Variants in DAB1 observed in about 807,000 individuals in gnomAD.
The protein encoded by DAB1 is DAB adaptor protein 1, also known as disabled homolog 1.
A neutral mutation model predicts 64.6 loss-of-function variants in DAB1; 15 were observed. The ratio of observed to expected loss-of-function variants is 0.23; its 90% CI spans 0.16 to 0.36. The LOEUF (loss-of-function observed/expected upper bound fraction) is 0.36. Among genes scored for constraint, DAB1 ranks in the 10% least tolerant of loss-of-function variants. The pLI, the probability that DAB1 is intolerant of heterozygous loss-of-function variation, is 1.00. For missense variants in DAB1, 596 were observed against 706.7 expected (o/e 0.84, Z 1.78); for synonymous variants, 235 against 251.9 (o/e 0.93, Z 0.64).
intron 5 of DAB1, among the ~76,000 whole-genome samples, chr1:58,098,190 C>T (rs1181842153): frequency 6.6e-6 from 1 of 152,184 alleles, no homozygotes; most frequent in Non-Finnish European, 1.5e-5. Context: ...CCTCCCCCAG[C>T]ATTCAGGATC....
chr1:57,647,389 G>T (rs1367475387), intron 7 of DAB1, among the ~76,000 whole-genome samples: 1 of 152,176 alleles, frequency 6.6e-6, no homozygotes, highest in African/African-American at 2.4e-5. Context: ...GTAACTCCTT[G>T]GGACTCCCCC....
rs113279762 is a variant in DAB1, at chr1:57,121,906, TA to T, written c.306+14636del. Among the ~76,000 whole-genome samples, 135 of 147,912 alleles carry T rather than the reference TA, an allele frequency of 9.1e-4. 1 individual carries two copies. In the East Asian group the frequency reaches 0.012, roughly 14 times the overall value. On this transcript the variant is annotated intron_variant, in intron 4 of 14. Transcript: ENST00000371236. ...TGCACATGTATCCAAAACTTAAAGT[TA>T]AAAAAAAAAGTGGTTTTCTGTGGTT...
intron 4 of DAB1, among the ~76,000 whole-genome samples, chr1:58,301,235 G>A (rs1361746373): frequency 1.8e-5 from 1 of 55,148 alleles, no homozygotes; most frequent in Non-Finnish European, 5.3e-5. Context: ...GGGGTGGAGA[G>A]GGGGGGGTCA....
rs143665673 is a variant in DAB1, at chr1:57,794,660, G to A, written n.551+89339C>T. ...TTTTATCATTCTAGTCTCCATGTGT[G>A]TTATTTCTCAAATTCCAGCCCCCTA... On this transcript the variant is annotated intron_variant and non_coding_transcript_variant, in intron 6 of 20. Transcript: ENST00000485760. 7.0e-4 allele frequency among the ~76,000 whole-genome samples: 106 copies of A among 152,296 alleles called. No individual in the cohort carries two copies. The East Asian group carries it at 0.017, about 24-fold the overall frequency.
At chr1:58,158,802 T>A (rs17117039) in intron 4 of DAB1, among the ~76,000 whole-genome samples, 33,253 of 152,020 alleles carry the variant, frequency 0.22, 3,916 homozygotes, top group East Asian at 0.44. Flanking sequence ...GCCAGAAAGA[T>A]GCAGGTCTGG....
intron 6 of DAB1, among the ~76,000 whole-genome samples, chr1:57,762,481 T>C (rs190653111): frequency 2.0e-5 from 3 of 152,242 alleles, no homozygotes; most frequent in African/African-American, 4.8e-5. Flanking sequence ...AGGTTAACAA[T>C]GTTTTCTCCT....
chr1:57,683,057 A>T (rs1433312038), intron 6 of DAB1, among the ~76,000 whole-genome samples: 1 of 152,164 alleles, frequency 6.6e-6, no homozygotes, highest in Middle Eastern at 3.2e-3. Flanking sequence ...CCTGATCCTG[A>T]GCCACAGGCC....
intron 4 of DAB1, among the ~76,000 whole-genome samples, chr1:57,114,480 A>G (rs1655938958): frequency 6.6e-6 from 1 of 152,234 alleles, no homozygotes; most frequent in Non-Finnish European, 1.5e-5. Flanking sequence ...AAAAAAAAGC[A>G]AAGCAGGATA....
At position 57,255,322 on chromosome 1, in the gene DAB1, T is replaced by A. The variant is rs12565921; in HGVS notation, c.67+35642A>T. On this transcript the variant is annotated intron_variant, in intron 2 of 14. Coordinates refer to ENST00000371236, the MANE Select transcript of DAB1 (RefSeq NM_001365792.1). Reference sequence around the variant, plus strand: ...TCTTCTATGAATCCCAAACAATGCATCTCCTCTAGCATGACAACTAATATC... The same window carrying A: ...TCTTCTATGAATCCCAAACAATGCAACTCCTCTAGCATGACAACTAATATC... Among the ~76,000 whole-genome samples, 1,151 of 152,172 alleles carry A rather than the reference T, an allele frequency of 7.6e-3. 29 individuals are homozygous for A. The East Asian group carries it at 0.078, about 10-fold the overall frequency.
chr1:58,186,695 T>C (rs1435907614), intron 4 of DAB1, among the ~76,000 whole-genome samples: 2 of 152,216 alleles, frequency 1.3e-5, no homozygotes, highest in Non-Finnish European at 2.9e-5. Context: ...GAGAGTCATC[T>C]ACATGGTTCT....
intron 7 of DAB1, among the ~76,000 whole-genome samples, chr1:57,617,216 G>T (rs1336467424): frequency 6.6e-6 from 1 of 152,006 alleles, no homozygotes; most frequent in Non-Finnish European, 1.5e-5. Context: ...CTCTGCTGAG[G>T]AGAGCCACCA....
intron 3 of DAB1, among the ~76,000 whole-genome samples, chr1:57,144,326 G>T (rs1485144653): frequency 6.6e-6 from 1 of 151,964 alleles, no homozygotes; most frequent in Non-Finnish European, 1.5e-5. Flanking sequence ...ATGGACATCA[G>T]AATCTGAGAA....
intron 4 of DAB1, among the ~76,000 whole-genome samples, chr1:58,325,887 G>A (rs1662811506): frequency 1.3e-5 from 2 of 152,280 alleles, no homozygotes; most frequent in African/African-American, 4.8e-5. Context: ...ATTGATCCAA[G>A]TGGAAGTAAA....
chr1:57,255,773 A>G (rs1334802841), intron 2 of DAB1, among the ~76,000 whole-genome samples: 2 of 152,248 alleles, frequency 1.3e-5, no homozygotes, highest in Non-Finnish European at 2.9e-5. Context: ...GTCCTCTTAC[A>G]GTATTTCTGA....
intron 1 of DAB1, among the ~76,000 whole-genome samples, chr1:57,375,959 G>C (rs10047073): frequency 0.41 from 61,596 of 152,014 alleles, 12,985 homozygotes; most frequent in African/African-American, 0.44. Context: ...AAGGAAGTTT[G>C]ATATAACTGC....
intron 5 of DAB1, among the ~76,000 whole-genome samples, chr1:57,924,863 A>G (rs1644857621): frequency 6.6e-6 from 1 of 152,094 alleles, no homozygotes; most frequent in Non-Finnish European, 1.5e-5. Context: ...AAGGTTTTAA[A>G]AAAAAGTTAA....
intron 3 of DAB1, among the ~76,000 whole-genome samples, chr1:58,359,349 A>G (rs902124121): frequency 6.6e-5 from 10 of 152,234 alleles, no homozygotes; most frequent in African/African-American, 1.7e-4. Flanking sequence ...TTTGGCACTC[A>G]TGATCAGTGT....
chr1:57,574,360 T>C (rs951377478), intron 7 of DAB1, among the ~76,000 whole-genome samples: 2 of 152,176 alleles, frequency 1.3e-5, no homozygotes, highest in African/African-American at 4.8e-5. Context: ...TGGCAGGCCC[T>C]GGTCAAAGTG....
chr1:58,102,185 A>T (rs898870724), intron 5 of DAB1, among the ~76,000 whole-genome samples: 3 of 152,202 alleles, frequency 2.0e-5, no homozygotes, highest in African/African-American at 2.4e-5. Flanking sequence ...AAACCTAGTT[A>T]TTGGGCTCCA....
Sources: gnomAD v4.1 joint callset for allele counts (sites outside exome capture counted in the v4.1 genomes callset) on GRCh38, gnomAD v4.1.1 for gene constraint, MANE v1.5 for transcripts, NCBI Gene and HGNC (gene_info 2026-07-23, HGNC 2026-07-21) for gene names.